SLC35A3: variants seen among roughly 807,000 people sequenced by gnomAD.
SLC35A3 encodes the protein UDP-N-acetylglucosamine transporter.
SLC35A3 carries 26 observed loss-of-function variants against 39.0 expected under a neutral mutation model. That is an observed-to-expected ratio of 0.67 (90% CI 0.49 to 0.92). The LOEUF is 0.92. Ranked by LOEUF, SLC35A3 falls within the 40% of genes least tolerant of loss-of-function variation. The pLI is 0.00. For synonymous variants in SLC35A3, 135 were observed against 133.1 expected (o/e 1.01, Z -0.10); for missense variants, 299 against 371.6 (o/e 0.80, Z 1.61).
At chr1:99,977,097 C>T (rs1657150792) in intron 1 of SLC35A3, among the ~76,000 whole-genome samples, 1 of 152,076 alleles carries the variant, frequency 6.6e-6, no homozygotes, top group Admixed American at 6.6e-5. Context: ...ATGAATGCTA[C>T]AAAGAAAACT....
intron 1 of SLC35A3, among the ~76,000 whole-genome samples, chr1:99,992,211 A>G (rs924095434): frequency 2.6e-5 from 4 of 152,168 alleles, no homozygotes; most frequent in Admixed American, 6.5e-5. Context: ...CCCTTTAGTT[A>G]TGTTAGTTTT....
At chr1:100,002,765 T>C (rs1658896952) in intron 3 of SLC35A3, among the ~76,000 whole-genome samples, 1 of 150,580 alleles carries the variant, frequency 6.6e-6, no homozygotes, top group Admixed American at 6.6e-5. Flanking sequence ...TATAGGCATG[T>C]GCTACCATGC....
intron 3 of SLC35A3, among the ~76,000 whole-genome samples, chr1:100,005,719 A>T (rs1203660014): frequency 2.0e-5 from 3 of 152,038 alleles, no homozygotes; most frequent in Non-Finnish European, 4.4e-5. Flanking sequence ...CTCTTTGTTG[A>T]AAACCTCATT....
rs900592868 is a variant in SLC35A3, at chr1:100,025,029, T to C, written c.*2553T>C. On this transcript the variant is annotated 3_prime_UTR_variant, in exon 8 of 8. Transcript: ENST00000533028. ...AAAGCATTTAAAATTACCAAATCTTTAAAATCACTTTGGTGGTGATTCCAA... is the reference window on the plus strand; with the variant it reads ...AAAGCATTTAAAATTACCAAATCTTCAAAATCACTTTGGTGGTGATTCCAA... 3.2e-5 allele frequency: 7 copies of C among 219,968 alleles called. No homozygotes were observed. Among genetic ancestry groups the C allele is most frequent in the Non-Finnish European group, 6.1e-5 (7 of 114,018 alleles). 13.6% of individuals were successfully genotyped at this position (219,968 alleles called of 1,614,324 possible). A position where few individuals can be genotyped will look rare whatever the true frequency, so the allele number is the denominator to read the frequency against.
intron 2 of SLC35A3, among the ~76,000 whole-genome samples, chr1:99,997,408 TTTTATATATATATATATATATATATATA>T (rs1316077500): frequency 2.5e-4 from 14 of 55,722 alleles, no homozygotes; most frequent in African/African-American, 1.0e-3. Context: ...TTATATATAG[TTTTATATATATATATATATATATATATA>T]TATATATATA....
In SLC35A3 at chr1:100,027,105, A is replaced by T. The variant is rs1326033913; in HGVS notation, c.*4629A>T. 1 of 398,460 alleles carries T rather than the reference A, an allele frequency of 2.5e-6. No homozygotes were observed. Among genetic ancestry groups the T allele is most frequent in the African/African-American group, 2.1e-5 (1 of 48,738 alleles). The allele number at this position is 398,460 out of a possible 1,614,324, so 24.7% of individuals were successfully genotyped here. ...TTTTCTCTGGCTCTGTAGTATCTCT[A>T]TCACTGTCACATGTGATCTTTCTTC... On this transcript the variant is annotated 3_prime_UTR_variant, in exon 8 of 8. Transcript: ENST00000533028.
At chr1:99,990,270 A>T (rs1167068203) in intron 1 of SLC35A3, among the ~76,000 whole-genome samples, 1 of 142,726 alleles carries the variant, frequency 7.0e-6, no homozygotes, top group African/African-American at 3.1e-5. Context: ...GTAGAGGGTT[A>T]TTTTTTAAAA....
intron 3 of SLC35A3, among the ~76,000 whole-genome samples, chr1:100,000,115 T>C (rs1344210476): frequency 6.6e-6 from 1 of 152,168 alleles, no homozygotes; most frequent in East Asian, 1.9e-4. Flanking sequence ...ATTGCTGGAT[T>C]GTCTGGTAGT....
At position 100,024,918 on chromosome 1, in the gene SLC35A3, T is replaced by G; in HGVS notation, c.*2442T>G. On this transcript the variant is annotated 3_prime_UTR_variant, in exon 8 of 8. Coordinates refer to ENST00000533028, the MANE Select transcript of SLC35A3 (RefSeq NM_012243.3). ...CTATGTTACAGACTGTTGGGTACCC[T>G]TGCCTAACGTGAACTGGCAGTGTTA... 1.9e-4 allele frequency: 60 copies of G among 307,958 alleles called. No individual in the cohort carries two copies. Among genetic ancestry groups the G allele is most frequent in the East Asian group, 7.2e-4 (14 of 19,494 alleles). The allele number at this position is 307,958 out of a possible 1,614,324, so 19.1% of individuals were successfully genotyped here. A position where few individuals can be genotyped will look rare whatever the true frequency, so the allele number is the denominator to read the frequency against.
intron 1 of SLC35A3, chr1:99,970,648 AG>A: frequency 6.5e-7 from 1 of 1,533,562 alleles, no homozygotes; most frequent in Non-Finnish European, 8.7e-7. Context: ...GCCCTTGGTA[AG>A]GCTAGTAAGA....
At chr1:99,994,024 A>G (rs1658241458) in intron 2 of SLC35A3, among the ~76,000 whole-genome samples, 1 of 152,122 alleles carries the variant, frequency 6.6e-6, no homozygotes, top group Non-Finnish European at 1.5e-5. Flanking sequence ...TTACTGTTAG[A>G]ACTCTAGAAG....
chr1:100,018,115 A>G (rs1660283672), intron 7 of SLC35A3, among the ~76,000 whole-genome samples: 2 of 152,234 alleles, frequency 1.3e-5, no homozygotes, highest in Non-Finnish European at 1.5e-5. Flanking sequence ...AAAATAAGTC[A>G]TGTAATGACA....
intron 1 of SLC35A3, 194 bp downstream of exon 1, chr1:99,970,356 G>A (rs971886037): frequency 3.4e-5 from 20 of 591,944 alleles, no homozygotes; most frequent in Non-Finnish European, 5.1e-5. Context: ...CAGATGAGGT[G>A]ACACGTTGTA....
chr1:100,035,045 CAA>C lies in SLC35A3; in HGVS notation c.*12571_*12572del, dbSNP rs1277610622. 1 of 152,064 alleles carries C rather than the reference CAA, an allele frequency of 6.6e-6. No homozygotes were observed. The highest frequency in any genetic ancestry group is 2.4e-5 in the African/African-American group (1 of 41,418). The allele number at this position is 152,064 out of a possible 1,614,324, so 9.4% of individuals were successfully genotyped here. On this transcript the variant is annotated 3_prime_UTR_variant, in exon 8 of 8. Transcript: ENST00000533028. ...TAACTGAGATATCAGTCTCTTAGCG[CAA>C]AGTTTGTGAATACGGTCATCCCTCC...
At chr1:100,021,462 C>T (rs1350785584) in intron 7 of SLC35A3, among the ~76,000 whole-genome samples, 1 of 152,004 alleles carries the variant, frequency 6.6e-6, no homozygotes, top group Non-Finnish European at 1.5e-5. Flanking sequence ...CACTTGAGCC[C>T]AGGAGTTCAA....
Position 100,024,768 on chromosome 1 carries a change from C to A in SLC35A3, c.*2292C>A, listed in dbSNP as rs1327127612. ...GAGTAGCTGGGATTGCAGGCGTGAG[C>A]CACTGCGCCCGGCCTATACTGTATA... On this transcript the variant is annotated 3_prime_UTR_variant, in exon 8 of 8. Transcript: ENST00000533028. 2.5e-6 allele frequency: 1 copy of A among 396,128 alleles called. No individual in the cohort carries two copies. Among genetic ancestry groups the A allele is most frequent in the East Asian group, 3.6e-5 (1 of 27,850 alleles). 24.5% of individuals were successfully genotyped at this position (396,128 alleles called of 1,614,324 possible).
chr1:100,029,852 T>A lies in SLC35A3; in HGVS notation c.*7376T>A, dbSNP rs1258088341. Reference sequence around the variant, plus strand: ...AATCAGATATTGTGTTAAGAACATATATATATATATAGAGAGAGAGAGAGC... The same window carrying A: ...AATCAGATATTGTGTTAAGAACATAAATATATATATAGAGAGAGAGAGAGC... On this transcript the variant is annotated 3_prime_UTR_variant, in exon 8 of 8. Coordinates refer to ENST00000533028, the MANE Select transcript of SLC35A3 (RefSeq NM_012243.3). 1.3e-5 allele frequency: 2 copies of A among 150,878 alleles called. No individual in the cohort carries two copies. Among genetic ancestry groups the A allele is most frequent in the Non-Finnish European group, 3.0e-5 (2 of 67,628 alleles). 9.3% of individuals were successfully genotyped at this position (150,878 alleles called of 1,614,324 possible).
chr1:100,014,156 A>G (rs900871542), intron 5 of SLC35A3, among the ~76,000 whole-genome samples: 1 of 152,172 alleles, frequency 6.6e-6, no homozygotes, highest in African/African-American at 2.4e-5. Context: ...TTCTATGACT[A>G]TTTCTTAGCT....
chr1:100,006,591 A>T (rs562956479), intron 3 of SLC35A3, among the ~76,000 whole-genome samples: 2 of 152,154 alleles, frequency 1.3e-5, no homozygotes, highest in African/African-American at 4.8e-5. Context: ...ATGCGTGGGC[A>T]GTAGACAGAG....
Sources: gnomAD v4.1 joint callset for allele counts (sites outside exome capture counted in the v4.1 genomes callset) on GRCh38, gnomAD v4.1.1 for gene constraint, MANE v1.5 for transcripts, NCBI Gene and HGNC (gene_info 2026-07-23, HGNC 2026-07-21) for gene names.